SLC38A2: variants seen among roughly 807,000 people sequenced by gnomAD.
SLC38A2 encodes the protein solute carrier family 38 member 2.
In SLC38A2, 11 loss-of-function variants were observed where a neutral mutation model predicts 61.5. That is an observed-to-expected ratio of 0.18 (90% CI 0.11 to 0.30). SLC38A2 has a LOEUF of 0.30. Ranked by LOEUF, SLC38A2 falls within the 10% of genes least tolerant of loss-of-function variation. SLC38A2 has a pLI of 1.00. For missense variants in SLC38A2, 522 were observed against 600.4 expected, an observed-to-expected ratio of 0.87 and a Z score of 1.36; for synonymous variants, 217 against 212.5, an observed-to-expected ratio of 1.02 and a Z score of -0.18.
chr12:46,362,941 T>G, intron 13 of SLC38A2, 80 bp downstream of exon 13: 1 of 1,556,710 alleles, frequency 6.4e-7, no homozygotes, highest in Non-Finnish European at 8.8e-7. Flanking sequence ...GTTTCCCTTC[T>G]TCCAGAAGAT....
intron 1 of SLC38A2, 139 bp from the exon 2 acceptor site, chr12:46,371,518 G>A (rs926911633): frequency 2.1e-5 from 11 of 511,692 alleles, no homozygotes; most frequent in Non-Finnish European, 3.8e-5. Flanking sequence ...AGGGGCGGGG[G>A]CGCGCCGAGG....
chr12:46,367,408 G>C, intron 4 of SLC38A2, 68 bp from the exon 5 acceptor site: 1 of 877,298 alleles, frequency 1.1e-6, no homozygotes, highest in Non-Finnish European at 1.9e-6. Context: ...AACTCTTTCT[G>C]GATGTTTAAA....
intron 7 of SLC38A2, 68 bp from the exon 8 acceptor site, chr12:46,365,257 C>T: frequency 8.0e-7 from 1 of 1,249,546 alleles, no homozygotes; most frequent in Admixed American, 1.7e-5. Context: ...CATCTTCTAA[C>T]AGGACTCATT....
At chr12:46,364,833 T>C in intron 8 of SLC38A2, 131 bp from the exon 9 acceptor site, 2 of 786,066 alleles carry the variant, frequency 2.5e-6, no homozygotes, top group South Asian at 1.9e-5. Context: ...TAGCACTAAA[T>C]TTCTAATTCT....
At position 46,372,176 on chromosome 12, in the gene SLC38A2, AT is replaced by A. The variant is rs892964162; in HGVS notation, c.-87+332del. 675 of 148,966 alleles carry A rather than the reference AT, an allele frequency of 4.5e-3. 9 individuals carry two copies. The highest frequency in any genetic ancestry group is 0.015 in the African/African-American group (593 of 40,848). The allele number at this position is 148,966 out of a possible 1,614,324, so 9.2% of individuals were successfully genotyped here. A position where few individuals can be genotyped will look rare whatever the true frequency, so the allele number is the denominator to read the frequency against. ...CCAGATTCCTGGCTCCCTGGACTTA[AT>A]TTTTTTTTTTTATTAAATGCAAATC... On this transcript the variant is annotated intron_variant, in intron 1 of 15. Transcript: ENST00000256689.
chr12:46,365,173 C>T lies in SLC38A2; in HGVS notation c.580G>A (p.Gly194Arg), dbSNP rs1242903090. 4.3e-6 allele frequency: 7 copies of T among 1,613,206 alleles called. No homozygotes were observed. Among genetic ancestry groups the T allele is most frequent in the Admixed American group, 1.7e-5 (1 of 59,934 alleles). Residue 194 changes from glycine (G) to arginine (R), a missense_variant, in exon 8 of 16, where the codon GGG (glycine) becomes AGG (arginine). Physicochemically the swap from Gly to Arg is moderately radical, Grantham distance 125. Transcript: ENST00000256689. Reference protein sequence around the residue: ...EDKTGLWYLNGNYLVLLVSLV... With the variant: ...EDKTGLWYLNRNYLVLLVSLV... ...GACACCAACAGAACCAAATAGTTCC[C>T]GTTCAGATACCACAATCTAAAGAAA... is the stretch of plus-strand genomic sequence containing the variant.
rs756187580 is a variant in SLC38A2, at chr12:46,371,260, A to C, written c.34T>G (p.Ser12Ala). Residue 12 changes from serine to alanine, a missense_variant, in exon 2 of 16, where the codon TCC becomes GCC. Around this residue, in one of 3 missense-constraint regions of SLC38A2, gnomAD observed 102 missense variants for 83.1 expected, o/e 1.23. Transcript: ENST00000256689. The stretch of plus-strand genomic sequence containing the variant: ...TAGCTGCTGCTGTCTTCATCCGGGG[A>C]AATACTGAATCGTCCCATTTCGGCC... ...KKAEMGRFSI[S>A]PDEDSSSYSS... 1 of 1,614,184 alleles carries C rather than the reference A, an allele frequency of 6.2e-7. No homozygotes were observed. Among genetic ancestry groups the C allele is most frequent in the South Asian group, 1.1e-5 (1 of 91,086 alleles).
At chr12:46,365,247 C>T in intron 7 of SLC38A2, 58 bp from the exon 8 acceptor site, 2 of 1,288,932 alleles carry the variant, frequency 1.6e-6, no homozygotes, top group East Asian at 2.3e-5. Context: ...AAAATATACA[C>T]ATCTTCTAAC....
chr12:46,371,511 G>A (rs1392783119), intron 1 of SLC38A2, 132 bp from the exon 2 acceptor site: 5 of 520,840 alleles, frequency 9.6e-6, no homozygotes, highest in Non-Finnish European at 1.3e-5. Flanking sequence ...GCGCGCGAGG[G>A]GCGGGGGCGC....
rs1431361962 is a variant in SLC38A2 at position 46,370,779 on chromosome 12, T to A, written c.195A>T (p.Glu65Asp). 3 of 1,610,816 alleles carry A rather than the reference T, an allele frequency of 1.9e-6. No individual in the cohort carries two copies. In the East Asian group the frequency reaches 6.7e-5, roughly 36 times the overall value. The change falls in exon 3 of 16, where the codon GAA becomes GAT. Residue 65 changes from glutamate (E) to aspartate (D), a missense_variant. By Grantham distance (45) the Glu-to-Asp change is conservative. Around this residue, in one of 3 missense-constraint regions of SLC38A2, gnomAD observed 102 missense variants for 83.1 expected, o/e 1.23. Coordinates refer to ENST00000256689, the MANE Select transcript of SLC38A2 (RefSeq NM_018976.5). ...SNLGKKKYET[E>D]FHPGTTSFGM... is the part of the protein sequence containing the mutation. The stretch of plus-strand genomic sequence containing the variant: ...CAAATTACTATTTTTAACTTACAAA[T>A]TCTGTTTCATACTTCTTCTTCCCCA...
In SLC38A2 at chr12:46,358,904, T is replaced by C. The variant is rs770351392; in HGVS notation, c.*2207A>G. 1 of 152,604 alleles carries C rather than the reference T, an allele frequency of 6.6e-6. No individual in the cohort carries two copies. Among genetic ancestry groups the C allele is most frequent in the Non-Finnish European group, 1.5e-5 (1 of 68,032 alleles). 9.5% of individuals were successfully genotyped at this position (152,604 alleles called of 1,614,324 possible). On this transcript the variant is annotated 3_prime_UTR_variant, in exon 16 of 16. Transcript: ENST00000256689. ...AAGACTGCTCATTAATGGGAATTCA[T>C]TGTTCAGGAACCTCAAGGTAGACAA...
At chr12:46,361,286 G>T in intron 15 of SLC38A2, 77 bp from the exon 16 acceptor site, 1 of 1,178,540 alleles carries the variant, frequency 8.5e-7, no homozygotes, top group Non-Finnish European at 1.2e-6. Context: ...TTTTTGAAAT[G>T]TGCTTTAATT....
intron 4 of SLC38A2, among the ~76,000 whole-genome samples, chr12:46,368,045 GT>G (rs1943157204): frequency 2.6e-5 from 4 of 152,012 alleles, no homozygotes; most frequent in Admixed American, 6.5e-5. Context: ...TGAGGTGGGG[GT>G]ATCACTTGAG....
intron 10 of SLC38A2, 54 bp downstream of exon 10, chr12:46,364,335 T>C: frequency 2.0e-6 from 3 of 1,494,458 alleles, no homozygotes; most frequent in Admixed American, 2.3e-5. Flanking sequence ...GTGAATAGCT[T>C]CCCTCTTTTC....
At chr12:46,368,475 T>G (rs1943161924) in intron 4 of SLC38A2, among the ~76,000 whole-genome samples, 1 of 152,210 alleles carries the variant, frequency 6.6e-6, no homozygotes, top group South Asian at 2.1e-4. Flanking sequence ...TTCTCCCTCA[T>G]TCCAGCTTTA....
intron 4 of SLC38A2, among the ~76,000 whole-genome samples, chr12:46,369,422 T>G (rs541264000): frequency 2.4e-4 from 36 of 152,236 alleles, no homozygotes; most frequent in Non-Finnish European, 4.6e-4. Flanking sequence ...AGCAGAGATT[T>G]GCAAAGGTCT....
chr12:46,370,614 G>A lies in SLC38A2; in HGVS notation c.212C>T (p.Thr71Ile). ...KYETEFHPGT[T>I]SFGMSVFNLS... ...ATTAAATACTGACATTCCAAAGGAAGTAGTACCTGGATGCTACATAGAGGG... is the reference window on the plus strand; with the variant it reads ...ATTAAATACTGACATTCCAAAGGAAATAGTACCTGGATGCTACATAGAGGG... Residue 71 changes from threonine to isoleucine, a missense_variant, in exon 4 of 16, where the codon ACT (threonine) becomes ATT (isoleucine). Physicochemically the swap from Thr to Ile is moderately conservative, Grantham distance 89 (BLOSUM62 -1). Around this residue, in one of 3 missense-constraint regions of SLC38A2, gnomAD observed 102 missense variants for 83.1 expected, o/e 1.23. Transcript: ENST00000256689. The A allele has an allele frequency of 6.2e-7, 1 of 1,613,306 alleles. No homozygotes were observed. The highest frequency in any genetic ancestry group is 2.2e-5 in the East Asian group (1 of 44,866).
chr12:46,364,723 A>T, intron 8 of SLC38A2, 21 bp from the exon 9 acceptor site: 1 of 1,591,200 alleles, frequency 6.3e-7, no homozygotes, highest in Non-Finnish European at 8.6e-7. Context: ...GGGTGGCAGG[A>T]ATCAGTATTA....
chr12:46,365,399 A>G, intron 7 of SLC38A2: 1 of 582,502 alleles, frequency 1.7e-6, no homozygotes, highest in Non-Finnish European at 3.0e-6. Flanking sequence ...GTCGGGTATA[A>G]AACAGTGTAA....
Sources: allele counts gnomAD v4.1 joint callset (sites outside exome capture counted in the v4.1 genomes callset), GRCh38; gene constraint gnomAD v4.1.1; regional missense constraint gnomAD v4.1.1; transcripts MANE v1.5; gene names NCBI Gene and HGNC (gene_info 2026-07-23, HGNC 2026-07-21).